Variants in NF1 observed in about 807,000 individuals in gnomAD.
NF1 encodes neurofibromin 1, also known as neurofibromin.
A neutral mutation model predicts 325.7 loss-of-function variants in NF1; 122 were observed. The observed-to-expected ratio is 0.37, with a 90% confidence interval of 0.32 to 0.44. NF1 has a LOEUF of 0.44. NF1 is among the 20% of genes least tolerant of loss of function. NF1 has a pLI of 1.00. For synonymous variants in NF1, 1,091 were observed against 1,186.0 expected, an observed-to-expected ratio of 0.92 and a Z score of 1.65; for missense variants, 2,140 against 3,415.4, an observed-to-expected ratio of 0.63 and a Z score of 9.31.
rs71142046 is a variant in NF1 at position 31,322,094 on chromosome 17, TACACACACAC to T, written c.4836-3700_4836-3691del. Among the ~76,000 whole-genome samples the T allele has an allele frequency of 8.6e-3, 1,268 of 147,354 alleles. 11 individuals are homozygous for T. Among genetic ancestry groups the T allele is most frequent in the African/African-American group, 0.02 (784 of 39,334 alleles). On this transcript the variant is annotated intron_variant, in intron 36 of 57. Transcript: ENST00000358273. ...GCTTTCGTGTGGTGTAGTGTGTGTA[TACACACACAC>T]ACACACACACACACACACACACACA...
intron 1 of NF1, among the ~76,000 whole-genome samples, chr17:31,102,797 A>G (rs1379203064): frequency 6.7e-6 from 1 of 150,206 alleles, no homozygotes; most frequent in Non-Finnish European, 1.5e-5. Context: ...ACCTTGGCCA[A>G]TATATACCTT....
rs116486312 is a variant in NF1, at chr17:31,316,795, C to T, written c.4836-9025C>T. Among the ~76,000 whole-genome samples the T allele has an allele frequency of 4.0e-3, 602 of 152,156 alleles. 3 individuals are homozygous for T. Among genetic ancestry groups the T allele is most frequent in the African/African-American group, 0.014 (572 of 41,526 alleles). The stretch of plus-strand genomic sequence containing the variant: ...CTGGAATAATATTGTTATGATTTCT[C>T]GTTTAGAGAATAGATTTGTTTTTTA... On this transcript the variant is annotated intron_variant, in intron 36 of 57. Coordinates refer to ENST00000358273, the MANE Select transcript of NF1 (RefSeq NM_001042492.3).
chr17:31,213,948 G>C (rs921761162), intron 12 of NF1, among the ~76,000 whole-genome samples: 4 of 152,076 alleles, frequency 2.6e-5, no homozygotes, highest in Admixed American at 2.0e-4. Flanking sequence ...ATTTTAAATG[G>C]TGTCTTACAA....
chr17:31,183,062 T>C (rs1048972231), intron 8 of NF1: 1 of 421,422 alleles, frequency 2.4e-6, no homozygotes, highest in Non-Finnish European at 4.2e-6. Context: ...ACTGAAATTA[T>C]CTAGTAACTC....
chr17:31,136,587 A>G (rs1195384937), intron 1 of NF1: 1 of 152,190 alleles, frequency 6.6e-6, no homozygotes, highest in Non-Finnish European at 1.5e-5. Flanking sequence ...GTGTATCCAC[A>G]CTGTGTATGG....
intron 15 of NF1, among the ~76,000 whole-genome samples, chr17:31,223,223 G>T (rs1209986065): frequency 6.6e-6 from 1 of 152,096 alleles, no homozygotes; most frequent in East Asian, 1.9e-4. Context: ...AACATAGGGG[G>T]CTTATAGATA....
At position 31,181,801 on chromosome 17, in the gene NF1, A is replaced by ATTTTTTTTTTTTTTT. The variant is rs71142032; in HGVS notation, c.730+18_730+32dup. The ATTTTTTTTTTTTTTT allele has an allele frequency of 4.1e-5, 50 of 1,218,958 alleles. No individual in the cohort carries two copies. Among genetic ancestry groups the ATTTTTTTTTTTTTTT allele is most frequent in the Middle Eastern group, 2.5e-4 (1 of 4,056 alleles). The allele number at this position is 1,218,958 out of a possible 1,614,324, so 75.5% of individuals were successfully genotyped here. A position where few individuals can be genotyped will look rare whatever the true frequency, so the allele number is the denominator to read the frequency against. Reference sequence around the variant, plus strand: ...GATATGGCTGGTAAGGATACGATTGATTTTTTTTTTTTTTTTGTCTTTTAA... The same window carrying ATTTTTTTTTTTTTTT: ...GATATGGCTGGTAAGGATACGATTGATTTTTTTTTTTTTTTTTTTTTTTTTTTTTTTGTCTTTTAA... On this transcript the variant is annotated intron_variant, in intron 7 of 57. Transcript: ENST00000358273.
At chr17:31,230,086 A>G in intron 22 of NF1, 112 bp downstream of exon 22, 1 of 1,449,802 alleles carries the variant, frequency 6.9e-7, no homozygotes, top group Non-Finnish European at 9.7e-7. Context: ...TACTGCACAC[A>G]AACTAGGGTG....
chr17:31,229,741 C>G (rs2151430187), intron 21 of NF1, 94 bp from the exon 22 acceptor site: 1 of 1,496,734 alleles, frequency 6.7e-7, no homozygotes, highest in East Asian at 2.3e-5. Flanking sequence ...GGTGCACTTA[C>G]TCTGTGTGTT....
rs1295116979 is a variant in NF1, at chr17:31,377,343, C to T, written c.*3188C>T. ...ATAACAACAAAAATTTGATTATTCTCGTGTTAGTATTGTTAACTTCTTTTT... is the reference window on the plus strand; with the variant it reads ...ATAACAACAAAAATTTGATTATTCTTGTGTTAGTATTGTTAACTTCTTTTT... On this transcript the variant is annotated 3_prime_UTR_variant, in exon 58 of 58. Transcript: ENST00000358273. 3 of 233,258 alleles carry T rather than the reference C, an allele frequency of 1.3e-5. No homozygotes were observed. Among genetic ancestry groups the T allele is most frequent in the African/African-American group, 2.2e-5 (1 of 45,286 alleles). 14.4% of individuals were successfully genotyped at this position (233,258 alleles called of 1,614,324 possible).
intron 17 of NF1, 125 bp downstream of exon 17, chr17:31,225,375 A>T (rs1433421274): frequency 1.1e-5 from 12 of 1,061,330 alleles, no homozygotes; most frequent in Non-Finnish European, 1.7e-5. Context: ...ATCTAGTTCT[A>T]TTACTGCTCT....
At chr17:31,368,240 G>A (rs1411927872) in intron 57 of NF1, among the ~76,000 whole-genome samples, 2 of 152,116 alleles carry the variant, frequency 1.3e-5, no homozygotes, top group African/African-American at 2.4e-5. Context: ...CAGTTCAAGC[G>A]ATTCTCCTGC....
intron 39 of NF1, among the ~76,000 whole-genome samples, chr17:31,332,253 A>G (rs17882364): frequency 6.8e-4 from 103 of 152,084 alleles, no homozygotes; most frequent in African/African-American, 2.4e-3. Flanking sequence ...ATCACAAGGT[A>G]AGGAGTTCGA....
chr17:31,233,771 C>T (rs1467849763), intron 27 of NF1, among the ~76,000 whole-genome samples: 1 of 152,138 alleles, frequency 6.6e-6, no homozygotes, highest in East Asian at 1.9e-4. Flanking sequence ...TTGTTCCTTT[C>T]CAGTGTTAAA....
At position 31,263,101 on chromosome 17, in the gene NF1, AGG is replaced by A. The variant is rs1567864131; in HGVS notation, c.4724+1245_4724+1246del. ...TAGGTAGGTAGGTAGGTAGGTAGGT[AGG>A]TAGGTAGATAGATAGATAGATAAGA... On this transcript the variant is annotated intron_variant, in intron 35 of 57. Transcript: ENST00000358273. Among the ~76,000 whole-genome samples the A allele has an allele frequency of 5.2e-3, 479 of 92,108 alleles. 3 individuals are homozygous for A. The highest frequency in any genetic ancestry group is 0.018 in the African/African-American group (462 of 25,982). 60.4% of individuals were successfully genotyped at this position (92,108 alleles called of 152,430 possible). A position where few individuals can be genotyped will look rare whatever the true frequency, so the allele number is the denominator to read the frequency against.
At chr17:31,280,347 T>C (rs2068093066) in intron 36 of NF1, among the ~76,000 whole-genome samples, 1 of 151,496 alleles carries the variant, frequency 6.6e-6, no homozygotes, top group Non-Finnish European at 1.5e-5. Flanking sequence ...AACCCGTCTC[T>C]ACTAAAGATA....
At chr17:31,313,667 C>CT (rs1431463839) in intron 36 of NF1, among the ~76,000 whole-genome samples, 6 of 149,538 alleles carry the variant, frequency 4.0e-5, no homozygotes, top group African/African-American at 1.5e-4. Context: ...GATCGTGCCA[C>CT]TGCACTCCAG....
chr17:31,308,523 T>C (rs1238429024), intron 36 of NF1, among the ~76,000 whole-genome samples: 1 of 152,212 alleles, frequency 6.6e-6, no homozygotes, highest in Non-Finnish European at 1.5e-5. Flanking sequence ...TGACTGAAAC[T>C]TCTTATCCAG....
intron 30 of NF1, chr17:31,252,495 A>G (rs2067511939): frequency 9.8e-6 from 2 of 203,338 alleles, no homozygotes; most frequent in Non-Finnish European, 2.0e-5. Context: ...TTGGAAAAAG[A>G]ACTTAAAGTC....
Sources: gnomAD v4.1 joint callset for allele counts (sites outside exome capture counted in the v4.1 genomes callset) on GRCh38, gnomAD v4.1.1 for gene constraint, MANE v1.5 for transcripts, NCBI Gene and HGNC (gene_info 2026-07-23, HGNC 2026-07-21) for gene names.